ADGRG2: variants seen among roughly 807,000 people sequenced by gnomAD.
ADGRG2 encodes adhesion G protein-coupled receptor G2.
A neutral mutation model predicts 74.1 loss-of-function variants in ADGRG2; 26 were observed. The ratio of observed to expected loss-of-function variants is 0.35; its 90% CI spans 0.26 to 0.49. The LOEUF is 0.49. Ranked by LOEUF, ADGRG2 falls within the 20% of genes least tolerant of loss-of-function variation. The pLI is 0.99. For missense variants in ADGRG2, 619 were observed against 763.1 expected (o/e 0.81, Z 2.22); for synonymous variants, 296 against 295.2 (o/e 1.00, Z -0.03).
chrX:19,044,269 G>GC (rs752218535), intron 3 of ADGRG2, among the ~76,000 whole-genome samples: 28 of 111,186 alleles, frequency 2.5e-4, no homozygotes, highest in South Asian at 7.7e-4. Flanking sequence ...GAGTCTAGAA[G>GC]CCCCCCACAT....
chrX:18,990,636 T>C lies in ADGRG2; in HGVS notation c.*228A>G, dbSNP rs1415645013. On this transcript the variant is annotated 3_prime_UTR_variant, in exon 29 of 29. Transcript: ENST00000379869. ...CTTAGTGTATTGTTTAAAACCAACC[T>C]TCTTATAAAATGAAAGATAAGAAAC... 3.6e-6 allele frequency: 1 copy of C among 276,284 alleles called. No homozygotes were observed. The highest frequency in any genetic ancestry group is 6.3e-6 in the Non-Finnish European group (1 of 157,943). The allele number at this position is 276,284 out of a possible 1,213,427, so 22.8% of individuals were successfully genotyped here. A position where few individuals can be genotyped will look rare whatever the true frequency, so the allele number is the denominator to read the frequency against.
At position 19,002,953 on chromosome X, in the gene ADGRG2, G is replaced by A. The variant is rs761565058; in HGVS notation, c.2123C>T (p.Ser708Leu). The A allele has an allele frequency of 3.3e-6, 4 of 1,207,938 alleles. No individual in the cohort carries two copies. Among genetic ancestry groups the A allele is most frequent in the Non-Finnish European group, 4.5e-6 (4 of 892,152 alleles). The change falls in exon 24 of 29, where the codon TCA becomes TTA. Residue 708 changes from serine to leucine, a missense_variant. Physicochemically the swap from Ser to Leu is moderately radical, Grantham distance 145. Around this residue, in one of 3 missense-constraint regions of ADGRG2, gnomAD observed 221 missense variants for 340.6 expected, o/e 0.65. Transcript: ENST00000379869. ...TGCTTCTAGGCCCATCCATGTGAATGAGACCAAGAGAAAATAATGAAGAAA... is the reference window on the plus strand; with the variant it reads ...TGCTTCTAGGCCCATCCATGTGAATAAGACCAAGAGAAAATAATGAAGAAA... ...AVFLHYFLLVSFTWMGLEAFH... is the reference protein window; with the variant it reads ...AVFLHYFLLVLFTWMGLEAFH...
At chrX:19,066,148 A>G (rs2061565249) in intron 3 of ADGRG2, among the ~76,000 whole-genome samples, 2 of 112,420 alleles carry the variant, frequency 1.8e-5, no homozygotes, top group Admixed American at 9.4e-5. Flanking sequence ...GCACCCGGCC[A>G]TTATTTCTTT....
At chrX:19,027,165 G>A in intron 11 of ADGRG2, 54 bp downstream of exon 11, 2 of 813,857 alleles carry the variant, frequency 2.5e-6, no homozygotes, top group South Asian at 4.1e-5. Flanking sequence ...GGCTCAAAAA[G>A]TATCCTTCCA....
chrX:19,049,010 A>AC (rs1243875644), intron 3 of ADGRG2, among the ~76,000 whole-genome samples: 3 of 111,111 alleles, frequency 2.7e-5, no homozygotes, highest in African/African-American at 9.8e-5. Context: ...ACAGCTCTCT[A>AC]CCCCAACCTT....
intron 1 of ADGRG2, among the ~76,000 whole-genome samples, chrX:19,110,708 A>C (rs1255198265): frequency 1.2e-5 from 1 of 85,289 alleles, no homozygotes; most frequent in African/African-American, 4.9e-5. Flanking sequence ...AAAACAAACA[A>C]AAAAAAAAAA....
chrX:19,060,857 G>A (rs2061480211), intron 3 of ADGRG2, among the ~76,000 whole-genome samples: 1 of 111,574 alleles, frequency 9.0e-6, no homozygotes, highest in African/African-American at 3.3e-5. Context: ...CGAGGCAGGT[G>A]TTCTTAAATT....
At chrX:19,072,170 AT>A (rs11424709) in intron 2 of ADGRG2, among the ~76,000 whole-genome samples, 269 of 103,390 alleles carry the variant, frequency 2.6e-3, no homozygotes, top group South Asian at 9.2e-3. Flanking sequence ...TTTTTTTGCA[AT>A]TTTTTTTTTT....
At chrX:19,000,487 G>A (rs2060108922) in intron 24 of ADGRG2, among the ~76,000 whole-genome samples, 1 of 111,720 alleles carries the variant, frequency 9.0e-6, no homozygotes, top group South Asian at 3.7e-4. Flanking sequence ...GGGCCCATGG[G>A]ATACGGGCAC....
At chrX:19,048,727 G>C (rs1036453221) in intron 3 of ADGRG2, among the ~76,000 whole-genome samples, 5 of 112,302 alleles carry the variant, frequency 4.5e-5, no homozygotes, top group African/African-American at 1.6e-4. Flanking sequence ...CTACGCTGCT[G>C]GTCCTGGCCC....
chrX:18,999,781 T>A (rs1354158668), intron 25 of ADGRG2, 80 bp downstream of exon 25: 1 of 607,931 alleles, frequency 1.6e-6, no homozygotes, highest in African/African-American at 2.2e-5. Context: ...GGAGTCAATA[T>A]GCTGATTAGA....
At chrX:19,118,508 C>T (rs368990425) in intron 1 of ADGRG2, among the ~76,000 whole-genome samples, 11 of 112,161 alleles carry the variant, frequency 9.8e-5, no homozygotes, top group East Asian at 5.6e-4. Context: ...GCCTCAGCCT[C>T]CTGAGTAGCA....
At chrX:19,121,433 A>G (rs752412054) in intron 1 of ADGRG2, among the ~76,000 whole-genome samples, 12 of 111,640 alleles carry the variant, frequency 1.1e-4, no homozygotes, top group African/African-American at 3.9e-4. Context: ...TGGCCTTTAT[A>G]GTAGCAAGTG....
intron 3 of ADGRG2, among the ~76,000 whole-genome samples, chrX:19,054,381 G>T (rs1569110243): frequency 9.0e-6 from 1 of 111,730 alleles, no homozygotes; most frequent in Non-Finnish European, 1.9e-5. Flanking sequence ...CCCTTAAGTG[G>T]GATGCATGGT....
intron 3 of ADGRG2, among the ~76,000 whole-genome samples, chrX:19,057,615 C>T (rs960058540): frequency 3.6e-5 from 4 of 111,198 alleles, no homozygotes; most frequent in African/African-American, 1.3e-4. Context: ...GGCAGGTGCC[C>T]AGGAGTTTGA....
At chrX:19,075,387 C>T (rs1233312993) in intron 2 of ADGRG2, among the ~76,000 whole-genome samples, 6 of 110,263 alleles carry the variant, frequency 5.4e-5, no homozygotes, top group African/African-American at 1.6e-4. Context: ...GAGGCCGAGG[C>T]GGATGGATCA....
intron 1 of ADGRG2, among the ~76,000 whole-genome samples, chrX:19,094,170 G>C (rs954310332): frequency 4.5e-5 from 5 of 111,117 alleles, no homozygotes; most frequent in African/African-American, 1.6e-4. Context: ...TGGATAGATG[G>C]ACACAGAGTA....
At chrX:19,007,107 C>T in intron 20 of ADGRG2, 128 bp downstream of exon 20, 1 of 634,567 alleles carries the variant, frequency 1.6e-6, no homozygotes, top group Non-Finnish European at 2.5e-6. Flanking sequence ...GATTCTAGTC[C>T]TGCAAACTAC....
chrX:19,026,660 T>C (rs963306637), intron 11 of ADGRG2, among the ~76,000 whole-genome samples: 1 of 110,691 alleles, frequency 9.0e-6, no homozygotes, highest in Non-Finnish European at 1.9e-5. Context: ...CACGCCCGGC[T>C]AATTTTTGTA....
Sources: allele counts gnomAD v4.1 joint callset (sites outside exome capture counted in the v4.1 genomes callset), GRCh38; gene constraint gnomAD v4.1.1; regional missense constraint gnomAD v4.1.1; transcripts MANE v1.5; gene names NCBI Gene and HGNC (gene_info 2026-07-23, HGNC 2026-07-21).